The following NFU1 variants were observed in gnomAD, a reference collection of about 807,000 sequenced individuals.
NFU1 encodes the protein NFU1 iron-sulfur cluster scaffold homolog, mitochondrial.
In NFU1, 30 loss-of-function variants were observed where a neutral mutation model predicts 32.2. That is an observed-to-expected ratio of 0.93 (90% confidence interval 0.70 to 1.26). NFU1 has a LOEUF of 1.26. NFU1 is among the 50% of genes most tolerant of loss of function. NFU1 has a pLI of 0.00. For synonymous variants in NFU1, 112 were observed against 104.6 expected, an observed-to-expected ratio of 1.07 and a Z score of -0.43; for missense variants, 306 against 306.6, an observed-to-expected ratio of 1.00 and a Z score of 0.02.
chr2:69,403,051 C>T (rs1055267724), intron 6 of NFU1, among the ~76,000 whole-genome samples: 1 of 147,658 alleles, frequency 6.8e-6, no homozygotes, highest in Non-Finnish European at 1.5e-5. Context: ...TTCTCTTTCT[C>T]TCTTTCTTTC....
intron 6 of NFU1, 32 bp from the exon 7 acceptor site, chr2:69,400,570 C>A: frequency 6.3e-7 from 1 of 1,594,118 alleles, no homozygotes; most frequent in South Asian, 1.1e-5. Flanking sequence ...ATGACATATT[C>A]TTTAAAATAC....
chr2:69,423,510 G>C (rs993910987), intron 3 of NFU1, 72 bp downstream of exon 3: 28 of 1,378,448 alleles, frequency 2.0e-5, no homozygotes, highest in Non-Finnish European at 2.7e-5. Flanking sequence ...TAGTTAAACA[G>C]AGTTGTCTTA....
intron 3 of NFU1, among the ~76,000 whole-genome samples, chr2:69,420,591 T>C (rs1255487974): frequency 3.3e-5 from 5 of 152,234 alleles, no homozygotes; most frequent in African/African-American, 9.6e-5. Flanking sequence ...TAGTATCATA[T>C]TGGACTCACT....
At chr2:69,409,369 G>A (rs544658853) in intron 5 of NFU1, among the ~76,000 whole-genome samples, 2 of 151,628 alleles carry the variant, frequency 1.3e-5, no homozygotes, top group African/African-American at 4.9e-5. Flanking sequence ...CCTTTTAACT[G>A]CTGGTATAGT....
chr2:69,428,222 C>T (rs1321978890), intron 2 of NFU1, among the ~76,000 whole-genome samples: 1 of 151,928 alleles, frequency 6.6e-6, no homozygotes, highest in African/African-American at 2.4e-5. Flanking sequence ...GTCAGGAGTT[C>T]GAGAACAGCC....
chr2:69,439,450 TG>T (rs1673989875), upstream of NFU1, among the ~76,000 whole-genome samples: 1 of 152,170 alleles, frequency 6.6e-6, no homozygotes, highest in South Asian at 2.1e-4. Flanking sequence ...ACCTTTGCGA[TG>T]GGTGTTACAG....
At chr2:69,405,313 A>T (rs1323760873) in intron 6 of NFU1, among the ~76,000 whole-genome samples, 1 of 152,142 alleles carries the variant, frequency 6.6e-6, no homozygotes, top group African/African-American at 2.4e-5. Context: ...TGAAATCAAG[A>T]TTTCATTGGT....
intron 5 of NFU1, among the ~76,000 whole-genome samples, chr2:69,413,270 A>G (rs1298223665): frequency 6.7e-6 from 1 of 148,236 alleles, no homozygotes; most frequent in Non-Finnish European, 1.5e-5. Context: ...GGGCAACAAG[A>G]GCGAAACTCC....
chr2:69,407,264 C>CA (rs1002110020), intron 5 of NFU1, among the ~76,000 whole-genome samples: 4 of 152,142 alleles, frequency 2.6e-5, no homozygotes, highest in African/African-American at 7.2e-5. Flanking sequence ...AAATGTTCTA[C>CA]AAATCTTCTG....
chr2:69,408,717 C>T (rs1672779577), intron 5 of NFU1, among the ~76,000 whole-genome samples: 1 of 141,842 alleles, frequency 7.1e-6, no homozygotes, highest in African/African-American at 2.5e-5. Context: ...AACACCGTCT[C>T]AAAAAAATAT....
chr2:69,429,727 A>G (rs1036377437), intron 2 of NFU1, among the ~76,000 whole-genome samples: 1 of 151,968 alleles, frequency 6.6e-6, no homozygotes, highest in African/African-American at 2.4e-5. Context: ...AAATAAAGCT[A>G]TTACTAAAAA....
upstream of NFU1, among the ~76,000 whole-genome samples, chr2:69,438,941 AGTC>A (rs1673955734): frequency 7.6e-6 from 1 of 132,322 alleles, no homozygotes; most frequent in Non-Finnish European, 1.6e-5. Context: ...ACCGCAAGGC[AGTC>A]CAAGGCTCTG....
chr2:69,398,660 T>A (rs189679823), intron 7 of NFU1, among the ~76,000 whole-genome samples: 26 of 152,370 alleles, frequency 1.7e-4, no homozygotes, highest in Admixed American at 9.8e-4. Flanking sequence ...CCATTCCTCC[T>A]GGTATATAAG....
chr2:69,423,173 T>C, intron 3 of NFU1, among the ~76,000 whole-genome samples: 1 of 96,512 alleles, frequency 1.0e-5, no homozygotes, highest in South Asian at 3.5e-4. Context: ...TGTGTATGTG[T>C]GTGTGTGTGT....
intron 1 of NFU1, among the ~76,000 whole-genome samples, chr2:69,436,377 A>G (rs1258200153): frequency 1.3e-5 from 2 of 152,192 alleles, no homozygotes; most frequent in African/African-American, 4.8e-5. Context: ...CTTTTTCTAT[A>G]GCTCAGTATC....
upstream of NFU1, among the ~76,000 whole-genome samples, chr2:69,438,949 GCT>G (rs990039199): frequency 2.9e-5 from 4 of 136,982 alleles, no homozygotes; most frequent in Admixed American, 8.3e-5. Flanking sequence ...GCAGTCCAAG[GCT>G]CTGTTTTTGA....
At chr2:69,427,679 CAAA>C (rs35639734) in intron 2 of NFU1, among the ~76,000 whole-genome samples, 2 of 61,684 alleles carry the variant, frequency 3.2e-5, no homozygotes, top group Non-Finnish European at 3.1e-5. Context: ...CACTCAGTCT[CAAA>C]AAAAAAAAAA....
At chr2:69,398,096 T>C (rs1175960637) in intron 7 of NFU1, among the ~76,000 whole-genome samples, 1 of 152,182 alleles carries the variant, frequency 6.6e-6, no homozygotes, top group East Asian at 1.9e-4. Context: ...CCAACTCATA[T>C]TTTAGGCAGA....
intron 6 of NFU1, among the ~76,000 whole-genome samples, chr2:69,400,811 A>G (rs1672500099): frequency 6.6e-6 from 1 of 152,134 alleles, no homozygotes; most frequent in East Asian, 1.9e-4. Flanking sequence ...AAGGCTGGGC[A>G]TGGTGGCTCA....
Sources: allele counts gnomAD v4.1 joint callset (sites outside exome capture counted in the v4.1 genomes callset), GRCh38; gene constraint gnomAD v4.1.1; transcripts MANE v1.5; gene names NCBI Gene and HGNC (gene_info 2026-07-23, HGNC 2026-07-21).